DIDO1: variants seen among roughly 807,000 people sequenced by gnomAD.
The protein encoded by DIDO1 is death inducer-obliterator 1.
DIDO1 carries 16 observed loss-of-function variants against 99.4 expected under a neutral mutation model. The observed-to-expected ratio is 0.16, with a 90% CI of 0.11 to 0.24. DIDO1 has a LOEUF of 0.24. Ranked by LOEUF, DIDO1 falls within the 10% of genes least tolerant of loss-of-function variation. The pLI, the probability that DIDO1 is intolerant of heterozygous loss-of-function variation, is 1.00. For synonymous variants in DIDO1, 1,366 were observed against 1,239.1 expected, an observed-to-expected ratio of 1.10 and a Z score of -2.15; for missense variants, 2,996 against 3,014.0, an observed-to-expected ratio of 0.99 and a Z score of 0.14.
chr20:62,881,610 C>A lies in DIDO1; in HGVS notation c.4346G>T (p.Cys1449Phe), dbSNP rs1337516137. ...VTVDDLPNRMCADVRRNSVER... is the reference protein window; with the variant it reads ...VTVDDLPNRMFADVRRNSVER... The stretch of plus-strand genomic sequence containing the variant: ...CACGGAGTTCCTTCTCACGTCGGCA[C>A]ACATCCTGTTGGGCAGGTCATCAAC... The change falls in exon 16 of 16, where the codon TGT (cysteine) becomes TTT (phenylalanine). Residue 1449 changes from cysteine (C) to phenylalanine (F), a missense_variant. Physicochemically the swap from Cys to Phe is radical, Grantham distance 205. Coordinates refer to ENST00000395343, the MANE Select transcript of DIDO1 (RefSeq NM_001193369.2). This position sits in a 1 kb window ranked among gnomAD's most constrained non-coding sequence, Gnocchi z 8.3. The A allele has an allele frequency of 1.2e-6, 2 of 1,612,318 alleles. No homozygotes were observed. The highest frequency in any genetic ancestry group is 1.3e-5 in the African/African-American group (1 of 74,936).
intron 6 of DIDO1, among the ~76,000 whole-genome samples, chr20:62,902,159 G>A (rs563306198): frequency 2.6e-5 from 4 of 152,342 alleles, no homozygotes; most frequent in African/African-American, 9.6e-5. Context: ...GGACGGTGCT[G>A]ATGTGGGACT....
At position 62,879,516 on chromosome 20, in the gene DIDO1, C is replaced by T; in HGVS notation, c.6440G>A (p.Trp2147Ter). The change falls in exon 16 of 16, where the codon TGG (tryptophan) becomes TAG (stop). Residue 2147 changes from tryptophan to a stop codon, truncating the protein, a stop_gained. Coordinates refer to ENST00000395343, the MANE Select transcript of DIDO1 (RefSeq NM_001193369.2). LOFTEE classifies it low-confidence loss of function (END_TRUNC). This position sits in a 1 kb window ranked among gnomAD's most constrained non-coding sequence, Gnocchi z 6.3. The stretch of plus-strand genomic sequence containing the variant: ...GGCGCTCCTCTCCCGGTTTCTGTCC[C>T]AGTCCCGGCTGGAGTCCTTGTCCCG... ...RHRDKDSSRDWDRNRERSANR... is the reference protein window; with the variant it reads ...RHRDKDSSRD 1 of 1,599,162 alleles carries T rather than the reference C, an allele frequency of 6.3e-7. No individual in the cohort carries two copies. Among genetic ancestry groups the T allele is most frequent in the African/African-American group, 1.3e-5 (1 of 74,900 alleles).
rs2064204460 is a variant in DIDO1, at chr20:62,881,459, A to C, written c.4497T>G (p.Ala1499=). The change falls in exon 16 of 16, where the codon GCT becomes GCG. Residue 1499 remains alanine (A), a synonymous_variant. Transcript: ENST00000395343. This position sits in a 1 kb window ranked among gnomAD's most constrained non-coding sequence, Gnocchi z 8.3. ...QKRQLEEQEE[A]LRQQRAAVGV... is the part of the protein sequence containing the mutation. ...CGACGGCGGCCCTCTGCTGCCTGAGAGCTTCTTCTTGCTCCTCCAGCTGTC... is the reference window on the plus strand; with the variant it reads ...CGACGGCGGCCCTCTGCTGCCTGAGCGCTTCTTCTTGCTCCTCCAGCTGTC... The C allele has an allele frequency of 1.2e-6, 2 of 1,608,430 alleles. No individual in the cohort carries two copies. The highest frequency in any genetic ancestry group is 1.1e-5 in the South Asian group (1 of 91,028).
rs527744607 is a variant in DIDO1, at chr20:62,935,038, G to A, written c.-200+2758C>T. Among the ~76,000 whole-genome samples, 12 of 152,264 alleles carry A rather than the reference G, an allele frequency of 7.9e-5. No homozygotes were observed. In the East Asian group the frequency reaches 1.5e-3, roughly 20 times the overall value. On this transcript the variant is annotated intron_variant, in intron 1 of 15. Transcript: ENST00000266070. ...GCCCTGCTCTTCCCCTTGAGCTTTA[G>A]ATGTGTCCCACAGGCACCTCCAATT...
Position 62,911,098 on chromosome 20 carries a change from C to G in DIDO1, c.515G>C (p.Arg172Pro). The G allele has an allele frequency of 6.2e-7, 1 of 1,614,002 alleles. No individual in the cohort carries two copies. Among genetic ancestry groups the G allele is most frequent in the Non-Finnish European group, 8.5e-7 (1 of 1,180,030 alleles). The change falls in exon 3 of 16, where the codon CGG becomes CCG. Residue 172 changes from arginine (R) to proline (P), a missense_variant. Arg to Pro is a moderately radical substitution (Grantham distance 103, BLOSUM62 -2). Coordinates refer to ENST00000395343, the MANE Select transcript of DIDO1 (RefSeq NM_001193369.2). This position sits in a 1 kb window ranked among gnomAD's most constrained non-coding sequence, Gnocchi z 7.0. ...KELQNRLRRK[R>P]EQEPTERPLK... ...GGGCCTCTCAGTGGGCTCCTGTTCC[C>G]GCTTCCTGCGAAGGCGATTCTGAAG...
chr20:62,910,489 G>A (rs1403568348), intron 3 of DIDO1, among the ~76,000 whole-genome samples: 9 of 151,978 alleles, frequency 5.9e-5, no homozygotes, highest in Admixed American at 3.9e-4. Context: ...CCTCCATGCC[G>A]TCTACACAGA....
intron 15 of DIDO1, chr20:62,890,745 TCTC>T: frequency 1.4e-6 from 2 of 1,409,998 alleles, no homozygotes; most frequent in Non-Finnish European, 1.8e-6. Context: ...TCTAAAAAAC[TCTC>T]CTAAGACAAT....
intron 6 of DIDO1, among the ~76,000 whole-genome samples, chr20:62,903,659 GACA>G (rs1359377794): frequency 1.3e-5 from 2 of 152,216 alleles, no homozygotes; most frequent in African/African-American, 4.8e-5. Context: ...CTTTTGGGAA[GACA>G]ACATTTACGG....
At chr20:62,888,159 C>T (rs2064327025) in intron 15 of DIDO1, 12 of 985,396 alleles carry the variant, frequency 1.2e-5, no homozygotes, top group Middle Eastern at 5.2e-4. Context: ...GTGTGAACAG[C>T]AAGCACTGAG....
rs77525120 is a variant in DIDO1, at chr20:62,905,340, A to G, written c.1588+547T>C. On this transcript the variant is annotated intron_variant, in intron 6 of 15. Coordinates refer to ENST00000395343, the MANE Select transcript of DIDO1 (RefSeq NM_001193369.2). ...TGTGTAGCGTGTGAATCGGACATGG[A>G]AAAAAAAAAATCCCCTATCTGCCCA... is the stretch of plus-strand genomic sequence containing the variant. 5.4e-5 allele frequency: 48 copies of G among 881,898 alleles called. No homozygotes were observed. The East Asian group carries it at 1.8e-3, about 33-fold the overall frequency. The allele number at this position is 881,898 out of a possible 1,614,324, so 54.6% of individuals were successfully genotyped here. A position where few individuals can be genotyped will look rare whatever the true frequency, so the allele number is the denominator to read the frequency against.
At chr20:62,935,880 G>C (rs578209098) in intron 1 of DIDO1, among the ~76,000 whole-genome samples, 1 of 152,352 alleles carries the variant, frequency 6.6e-6, no homozygotes, top group South Asian at 2.1e-4. Context: ...AAAGATGATG[G>C]CTTCCACGTT....
rs1404318105 is a variant in DIDO1, at chr20:62,893,976, C to T, written c.2791G>A (p.Gly931Arg). The T allele has an allele frequency of 1.9e-6, 3 of 1,613,392 alleles. No homozygotes were observed. Among genetic ancestry groups the T allele is most frequent in the Non-Finnish European group, 2.5e-6 (3 of 1,179,544 alleles). ...TCGGGATGGCCATCTCCTGGAGGCCCAGGGAAATACGTTCTGTCCACATTT... is the reference window on the plus strand; with the variant it reads ...TCGGGATGGCCATCTCCTGGAGGCCTAGGGAAATACGTTCTGTCCACATTT... ...HPNVDRTYFP[G>R]PPGDGHPEPS... Residue 931 changes from glycine to arginine, a missense_variant, in exon 12 of 16, where the codon GGG becomes AGG. Coordinates refer to ENST00000395343, the MANE Select transcript of DIDO1 (RefSeq NM_001193369.2).
chr20:62,908,408 G>A (rs1279400557), intron 4 of DIDO1, among the ~76,000 whole-genome samples: 1 of 152,120 alleles, frequency 6.6e-6, no homozygotes, highest in Admixed American at 6.5e-5. Context: ...GCAGGTCCAG[G>A]CTTCCCATGG....
At position 62,914,373 on chromosome 20, in the gene DIDO1, G is replaced by C. The variant is rs1471052138; in HGVS notation, c.-166C>G. On this transcript the variant is annotated 5_prime_UTR_variant, in exon 2 of 16. In the 5' UTR this introduces an upstream ATG that the reference lacks. Transcript: ENST00000395343. ...CAGGCTTCGTATTTTCAACAACTCA[G>C]ATTATCTAGAGGCTGTTCCCGTGGA... 1 of 152,182 alleles carries C rather than the reference G, an allele frequency of 6.6e-6. No homozygotes were observed. Among genetic ancestry groups the C allele is most frequent in the African/African-American group, 2.4e-5 (1 of 41,432 alleles). The allele number at this position is 152,182 out of a possible 1,614,324, so 9.4% of individuals were successfully genotyped here.
rs191260094 is a variant in DIDO1 at position 62,903,597 on chromosome 20, A to G, written c.1588+2290T>C. On this transcript the variant is annotated intron_variant, in intron 6 of 15. Coordinates refer to ENST00000395343, the MANE Select transcript of DIDO1 (RefSeq NM_001193369.2). ...GCAGAGGTGTTTAGGGGAGAGGCAG[A>G]GACATGGTAGCTGCTGTCACCAATG... Among the ~76,000 whole-genome samples, 36 of 152,360 alleles carry G rather than the reference A, an allele frequency of 2.4e-4. 1 individual carries two copies. Among genetic ancestry groups the G allele is most frequent in the Admixed American group, 2.0e-3 (30 of 15,302 alleles).
chr20:62,918,993 GCGA>G (rs1448827494), intron 1 of DIDO1, among the ~76,000 whole-genome samples: 5 of 152,122 alleles, frequency 3.3e-5, no homozygotes, highest in Admixed American at 6.5e-5. Context: ...ATCCCCAAAT[GCGA>G]CGTGTTCTCC....
At chr20:62,937,419 G>A (rs2065402099) in intron 1 of DIDO1, among the ~76,000 whole-genome samples, 1 of 152,072 alleles carries the variant, frequency 6.6e-6, no homozygotes, top group South Asian at 2.1e-4. Flanking sequence ...CGCCGCCGCC[G>A]GGACTCCGCC....
chr20:62,900,278 T>A (rs1827558312), intron 6 of DIDO1, among the ~76,000 whole-genome samples: 1 of 152,246 alleles, frequency 6.6e-6, no homozygotes, highest in African/African-American at 2.4e-5. Context: ...CTGGCCCAGA[T>A]GAAACTGTTG....
chr20:62,879,356 G>C lies in DIDO1; in HGVS notation c.6600C>G (p.Asp2200Glu). Residue 2200 changes from aspartate to glutamate, a missense_variant, in exon 16 of 16, where the codon GAC becomes GAG. This residue lies in a region of DIDO1 where 1,562 missense variants were observed against 1,412.6 expected (regional missense o/e 1.11). Coordinates refer to ENST00000395343, the MANE Select transcript of DIDO1 (RefSeq NM_001193369.2). This position sits in a 1 kb window ranked among gnomAD's most constrained non-coding sequence, Gnocchi z 6.3. ...DRSRSRERDR[D>E]KARDRERGRD... ...GGCCCCGCTCCCTGTCCCTGGCCTT[G>C]TCTCGGTCCCGCTCTCTGCTCCGGG... 6.4e-7 allele frequency: 1 copy of C among 1,550,498 alleles called. No individual in the cohort carries two copies.
Sources: allele counts gnomAD v4.1 joint callset (sites outside exome capture counted in the v4.1 genomes callset), GRCh38; gene constraint gnomAD v4.1.1; regional missense constraint gnomAD v4.1.1; non-coding constraint Gnocchi (gnomAD v3.1); transcripts MANE v1.5; gene names NCBI Gene and HGNC (gene_info 2026-07-23, HGNC 2026-07-21).